MND1: variants seen among roughly 807,000 people sequenced by gnomAD.
MND1 encodes the protein meiotic nuclear division protein 1 homolog.
In MND1, 28 loss-of-function variants were observed where a neutral mutation model predicts 35.1. The observed-to-expected ratio is 0.80, with a 90% CI of 0.59 to 1.09. The LOEUF is 1.09. MND1 is among the 50% of genes least tolerant of loss of function. The pLI, the probability that MND1 is intolerant of heterozygous loss-of-function variation, is 0.00. For synonymous variants in MND1, 69 were observed against 70.5 expected, an observed-to-expected ratio of 0.98 and a Z score of 0.11; for missense variants, 213 against 239.6, an observed-to-expected ratio of 0.89 and a Z score of 0.73.
intron 2 of MND1, among the ~76,000 whole-genome samples, chr4:153,354,197 A>G (rs1330637198): frequency 6.6e-6 from 1 of 151,904 alleles, no homozygotes; most frequent in Non-Finnish European, 1.5e-5. Flanking sequence ...ATTTTCCCTT[A>G]ATGTTTTGCT....
At chr4:153,396,190 C>A (rs979974988) in intron 5 of MND1, among the ~76,000 whole-genome samples, 1 of 152,118 alleles carries the variant, frequency 6.6e-6, no homozygotes, top group Non-Finnish European at 1.5e-5. Context: ...AATTTAGTTT[C>A]TCGGTCCCAG....
intron 4 of MND1, among the ~76,000 whole-genome samples, chr4:153,361,831 CA>C (rs924464150): frequency 7.3e-6 from 1 of 137,146 alleles, no homozygotes; most frequent in African/African-American, 2.8e-5. Flanking sequence ...GAGCAAGACT[CA>C]AAAAAAAAGA....
intron 1 of MND1, 34 bp downstream of exon 1, chr4:153,344,774 C>A: frequency 1.0e-5 from 16 of 1,600,180 alleles, no homozygotes; most frequent in East Asian, 2.3e-5. Flanking sequence ...GCGTCTTCTT[C>A]CTCCCTAGTG....
chr4:153,353,401 T>TCA (rs1260027208), intron 2 of MND1, among the ~76,000 whole-genome samples: 3 of 93,178 alleles, frequency 3.2e-5, no homozygotes, highest in African/African-American at 7.7e-5. Flanking sequence ...ACTGACTTTA[T>TCA]CACATATATA....
At chr4:153,379,081 G>T (rs1579924897) in intron 4 of MND1, among the ~76,000 whole-genome samples, 4 of 152,122 alleles carry the variant, frequency 2.6e-5, no homozygotes, top group Admixed American at 2.6e-4. Flanking sequence ...AAGGTCAGGG[G>T]ACTGAGACCA....
In MND1 at chr4:153,354,216, G is replaced by A. The variant is rs372566800; in HGVS notation, c.70-1438G>A. 1.7e-4 allele frequency among the ~76,000 whole-genome samples: 26 copies of A among 151,968 alleles called. 1 individual carries two copies. Among genetic ancestry groups the A allele is most frequent in the African/African-American group, 6.3e-4 (26 of 41,464 alleles). ...TCCCTTAATGTTTTGCTTTGCATGT[G>A]GTAGACATGCAACATGTATATGTGA... On this transcript the variant is annotated intron_variant, in intron 2 of 7. Transcript: ENST00000240488.
chr4:153,351,319 C>G (rs913824972), intron 2 of MND1, among the ~76,000 whole-genome samples: 13 of 152,124 alleles, frequency 8.5e-5, no homozygotes, highest in African/African-American at 3.1e-4. Flanking sequence ...ATGAAAGACT[C>G]TGAGGATCAG....
intron 4 of MND1, chr4:153,361,542 T>C (rs1000902764): frequency 2.6e-5 from 12 of 456,136 alleles, no homozygotes; most frequent in Non-Finnish European, 4.4e-5. Flanking sequence ...TAAAGTCTCC[T>C]ATTATAGAAA....
At position 153,345,558 on chromosome 4, in the gene MND1, A is replaced by G. The variant is rs965952700; in HGVS notation, c.3+818A>G. ...TCTTTCTGCTCATCAAATCATTTTC[A>G]TAAACCTTCAAAGTTTCATGCCGTT... On this transcript the variant is annotated intron_variant, in intron 1 of 7. Transcript: ENST00000240488. 4 of 984,692 alleles carry G rather than the reference A, an allele frequency of 4.1e-6. No homozygotes were observed. The African/African-American group carries it at 5.2e-5, about 13-fold the overall frequency. The allele number at this position is 984,692 out of a possible 1,614,324, so 61.0% of individuals were successfully genotyped here.
At chr4:153,346,586 C>G (rs552731345) in intron 1 of MND1, among the ~76,000 whole-genome samples, 1 of 152,052 alleles carries the variant, frequency 6.6e-6, no homozygotes, top group Non-Finnish European at 1.5e-5. Flanking sequence ...CTATGATACT[C>G]CTACTGTGGT....
In MND1 at chr4:153,396,157, TA is replaced by T. The variant is rs569829663; in HGVS notation, c.352-1059del. Among the ~76,000 whole-genome samples, 848 of 152,334 alleles carry T rather than the reference TA, an allele frequency of 5.6e-3. 6 individuals carry two copies. Among genetic ancestry groups the T allele is most frequent in the African/African-American group, 0.019 (794 of 41,582 alleles). ...CTAACCATGTGTGGCTATTTATATT[TA>T]AATAAAAATTAGCTACAATTAAATT... On this transcript the variant is annotated intron_variant, in intron 5 of 7. Transcript: ENST00000240488.
chr4:153,381,752 G>C (rs1426488380), intron 4 of MND1: 4 of 106,330 alleles, frequency 3.8e-5, no homozygotes, highest in African/African-American at 1.5e-4. Context: ...GTGTTTCCCA[G>C]GCTGGAATGC....
chr4:153,409,649 G>A (rs568213474), intron 7 of MND1, among the ~76,000 whole-genome samples: 41 of 152,216 alleles, frequency 2.7e-4, no homozygotes, highest in Admixed American at 1.6e-3. Context: ...CTGGAGCCAG[G>A]TTTCTCTGAC....
chr4:153,344,864 C>T, intron 1 of MND1, 124 bp downstream of exon 1: 2 of 1,480,620 alleles, frequency 1.4e-6, no homozygotes, highest in South Asian at 1.3e-5. Flanking sequence ...GAGCGGTCGC[C>T]CGGCTCTCGG....
intron 6 of MND1, among the ~76,000 whole-genome samples, chr4:153,407,942 T>G (rs1035053888): frequency 6.6e-6 from 1 of 152,146 alleles, no homozygotes; most frequent in Non-Finnish European, 1.5e-5. Context: ...GTTCTGGAAT[T>G]AAATAGTAGT....
At chr4:153,375,398 A>G (rs1341957550) in intron 4 of MND1, among the ~76,000 whole-genome samples, 1 of 152,190 alleles carries the variant, frequency 6.6e-6, no homozygotes, top group Admixed American at 6.5e-5. Flanking sequence ...TAATTTGCCC[A>G]AGGTGACAGT....
chr4:153,355,163 C>CA lies in MND1; in HGVS notation c.70-481dup, dbSNP rs11333837. On this transcript the variant is annotated intron_variant, in intron 2 of 7. Transcript: ENST00000240488. ...TGGGCCATAGAGTGAAACCATGTCT[C>CA]AAAAAAAAAATTGTATATATATGCA... Among the ~76,000 whole-genome samples, 8 of 150,196 alleles carry CA rather than the reference C, an allele frequency of 5.3e-5. No individual in the cohort carries two copies. The East Asian group carries it at 5.9e-4, about 11-fold the overall frequency.
At chr4:153,390,917 A>G (rs78185538) in intron 4 of MND1, among the ~76,000 whole-genome samples, 3,271 of 103,036 alleles carry the variant, frequency 0.032, 71 homozygotes, top group African/African-American at 0.1. Flanking sequence ...GTGTGTGTGT[A>G]TATGTGTGTG....
intron 5 of MND1, among the ~76,000 whole-genome samples, chr4:153,395,004 C>T (rs1729159641): frequency 6.6e-6 from 1 of 152,126 alleles, no homozygotes; most frequent in South Asian, 2.1e-4. Context: ...ATCCGGGTCT[C>T]TATTTGTATC....
Sources: gnomAD v4.1 joint callset for allele counts (sites outside exome capture counted in the v4.1 genomes callset) on GRCh38, gnomAD v4.1.1 for gene constraint, MANE v1.5 for transcripts, NCBI Gene and HGNC (gene_info 2026-07-23, HGNC 2026-07-21) for gene names.